The following NDC1 variants were observed in gnomAD, a reference collection of about 807,000 sequenced individuals.
The protein encoded by NDC1 is nucleoporin NDC1.
NDC1 carries 24 observed loss-of-function variants against 89.8 expected under a neutral mutation model. The observed-to-expected ratio is 0.27, with a 90% confidence interval of 0.19 to 0.38. The LOEUF (loss-of-function observed/expected upper bound fraction) is 0.38, where lower values mean the gene tolerates loss of function less well. NDC1 is among the 10% of genes least tolerant of loss of function. The probability of loss-of-function intolerance (pLI) is 1.00; values close to 1 mark genes in which losing one functional copy is unlikely to be tolerated. For synonymous variants in NDC1, 296 were observed against 284.8 expected, an observed-to-expected ratio of 1.04 and a Z score of -0.39; for missense variants, 728 against 797.6, an observed-to-expected ratio of 0.91 and a Z score of 1.05.
At chr1:53,807,032 G>A (rs1648131056) in intron 8 of NDC1, among the ~76,000 whole-genome samples, 1 of 151,922 alleles carries the variant, frequency 6.6e-6, no homozygotes, top group African/African-American at 2.4e-5. Flanking sequence ...TCATTTTGAG[G>A]TCAGGAGTTC....
At chr1:53,776,656 T>C (rs1647166159) in intron 16 of NDC1, among the ~76,000 whole-genome samples, 2 of 152,224 alleles carry the variant, frequency 1.3e-5, no homozygotes, top group African/African-American at 2.4e-5. Flanking sequence ...TGTCTTCCAA[T>C]GTGTCTCAGT....
intron 16 of NDC1, among the ~76,000 whole-genome samples, chr1:53,774,471 C>A (rs1458333894): frequency 6.6e-6 from 1 of 152,072 alleles, no homozygotes; most frequent in Non-Finnish European, 1.5e-5. Flanking sequence ...CCTCAGTATA[C>A]CAGGAAAAAT....
Position 53,798,049 on chromosome 1 carries a change from G to C in NDC1, c.1223-905C>G, listed in dbSNP as rs530287166. Among the ~76,000 whole-genome samples, 6 of 151,594 alleles carry C rather than the reference G, an allele frequency of 4.0e-5. No individual in the cohort carries two copies. In the South Asian group the frequency reaches 1.2e-3, roughly 32 times the overall value. On this transcript the variant is annotated intron_variant, in intron 11 of 17. Coordinates refer to ENST00000371429, the MANE Select transcript of NDC1 (RefSeq NM_018087.5). The stretch of plus-strand genomic sequence containing the variant: ...TATGACTCTCCAATTTAGTAATAGA[G>C]TCTGTTATACAAAAACAAAAGGAAC...
rs537296033 is a variant in NDC1 at position 53,767,210 on chromosome 1, A to T, written c.*760T>A. ...TTTTGCTCCAGAAAAAGAAAGCAAAACTAGCTGGGAAAATACCCATACATT... is the reference window on the plus strand; with the variant it reads ...TTTTGCTCCAGAAAAAGAAAGCAAATCTAGCTGGGAAAATACCCATACATT... On this transcript the variant is annotated 3_prime_UTR_variant, in exon 18 of 18. Transcript: ENST00000371429. 3.5e-4 allele frequency: 53 copies of T among 152,194 alleles called. No homozygotes were observed. The highest frequency in any genetic ancestry group is 4.6e-4 in the Non-Finnish European group (31 of 68,028). 9.4% of individuals were successfully genotyped at this position (152,194 alleles called of 1,614,324 possible). A position where few individuals can be genotyped will look rare whatever the true frequency, so the allele number is the denominator to read the frequency against.
chr1:53,834,936 C>T (rs1004901721), intron 2 of NDC1, among the ~76,000 whole-genome samples: 5 of 146,604 alleles, frequency 3.4e-5, no homozygotes, highest in Non-Finnish European at 5.9e-5. Flanking sequence ...GGCAAAACCC[C>T]GTATCTACTA....
intron 11 of NDC1, among the ~76,000 whole-genome samples, chr1:53,800,188 A>G (rs1647856275): frequency 6.6e-6 from 1 of 151,992 alleles, no homozygotes; most frequent in African/African-American, 2.4e-5. Flanking sequence ...GTACAACGTG[A>G]TGTTTTGGGC....
chr1:53,831,209 A>G (rs1649056346), intron 3 of NDC1, among the ~76,000 whole-genome samples: 2 of 152,090 alleles, frequency 1.3e-5, no homozygotes, highest in African/African-American at 4.8e-5. Context: ...TGGGCGACAG[A>G]GCAAGACTCC....
intron 11 of NDC1, among the ~76,000 whole-genome samples, chr1:53,798,243 A>G (rs1454895330): frequency 6.7e-6 from 1 of 149,254 alleles, no homozygotes; most frequent in African/African-American, 2.4e-5. Flanking sequence ...ATCTTGGCTC[A>G]CTGCAACCTC....
intron 2 of NDC1, among the ~76,000 whole-genome samples, chr1:53,833,925 C>G (rs12095561): frequency 0.018 from 2,798 of 151,790 alleles, 97 homozygotes; most frequent in African/African-American, 0.064. Context: ...CCCCACTCCC[C>G]CTTTAAGCAA....
At chr1:53,796,580 TA>T (rs57490546) in intron 13 of NDC1, 108 bp downstream of exon 13, 124,085 of 425,414 alleles carry the variant, frequency 0.29, 2,498 homozygotes, top group African/African-American at 0.36. Context: ...ACACGAAGCA[TA>T]AAAAAAAAAA....
At position 53,772,676 on chromosome 1, in the gene NDC1, CATAACAT is replaced by C. The variant is rs1647126046; in HGVS notation, c.1801-194_1801-188del. On this transcript the variant is annotated intron_variant, in intron 16 of 17. Transcript: ENST00000371429. ...CCTGTCTCAAAATAACATAACATAA[CATAACAT>C]AACATAACATAACATAACATAACAT... is the stretch of plus-strand genomic sequence containing the variant. Among the ~76,000 whole-genome samples the C allele has an allele frequency of 2.7e-5, 4 of 148,604 alleles. No homozygotes were observed. The South Asian group carries it at 8.5e-4, about 32-fold the overall frequency.
Position 53,787,200 on chromosome 1 carries a change from C to T in NDC1, c.1758G>A (p.Thr586=), listed in dbSNP as rs558566839. Residue 586 remains threonine (T), a synonymous_variant, in exon 16 of 18, where the codon ACG becomes ACA. Transcript: ENST00000371429. Reference sequence around the variant, plus strand: ...AAGTATTAAGGATAGCTGGTAGTGTCGTCTGGACAACTCCAAATCTATCCT... The same window carrying T: ...AAGTATTAAGGATAGCTGGTAGTGTTGTCTGGACAACTCCAAATCTATCCT... ...FTEDRFGVVQ[T]TLPAILNTLL... is the part of the protein sequence containing the mutation. 10 of 1,610,552 alleles carry T rather than the reference C, an allele frequency of 6.2e-6. No homozygotes were observed. The highest frequency in any genetic ancestry group is 5.0e-5 in the Admixed American group (3 of 59,758).
In NDC1 at chr1:53,803,929, TG is replaced by T; in HGVS notation, c.1064del (p.Pro355GlnfsTer16). 1 of 1,610,324 alleles carries T rather than the reference TG, an allele frequency of 6.2e-7. No homozygotes were observed. Among genetic ancestry groups the T allele is most frequent in the Non-Finnish European group, 8.5e-7 (1 of 1,176,556 alleles). The part of the protein sequence containing the change: ...RRQEVFSLSQ[P>X]GGHPHNWTAI... The stretch of plus-strand genomic sequence containing the variant: ...CAAGTCTATTACTTTTAGCAATACC[TG>T]GTTGGCTGAGGCTGAAAACTTCTTG... On this transcript the variant is annotated frameshift_variant and splice_region_variant, in exon 10 of 18. Transcript: ENST00000371429. LOFTEE classifies it high-confidence loss of function.
intron 9 of NDC1, among the ~76,000 whole-genome samples, chr1:53,805,740 A>C (rs1023236765): frequency 1.3e-5 from 2 of 152,182 alleles, no homozygotes; most frequent in Non-Finnish European, 2.9e-5. Flanking sequence ...AAGCCAACTA[A>C]TACTACAAGA....
In NDC1 at chr1:53,787,278, AGGTT is replaced by A; in HGVS notation, c.1700-24_1700-21del. On this transcript the variant is annotated intron_variant, in intron 15 of 17. Transcript: ENST00000371429. ...ACAGACCTCAAGGGAAAAAAAAAAA[AGGTT>A]AAAAGTCAATCAAAATTAGGCAAAA... 7.3e-7 allele frequency: 1 copy of A among 1,360,786 alleles called. No homozygotes were observed. Among genetic ancestry groups the A allele is most frequent in the Non-Finnish European group, 1.0e-6 (1 of 970,438 alleles). 84.3% of individuals were successfully genotyped at this position (1,360,786 alleles called of 1,614,324 possible). A position where few individuals can be genotyped will look rare whatever the true frequency, so the allele number is the denominator to read the frequency against.
At chr1:53,787,059 GTT>G (rs771275792) in intron 16 of NDC1, 97 bp downstream of exon 16, 5 of 597,528 alleles carry the variant, frequency 8.4e-6, no homozygotes, top group Middle Eastern at 2.8e-4. Context: ...CTTCCAACAT[GTT>G]TTGTCACTCG....
intron 8 of NDC1, 69 bp from the exon 9 acceptor site, chr1:53,806,586 T>TA: frequency 1.0e-6 from 1 of 971,990 alleles, no homozygotes; most frequent in Non-Finnish European, 1.4e-6. Context: ...ATGCACAAAT[T>TA]AAAACATAAA....
chr1:53,809,607 G>T, intron 7 of NDC1, 88 bp downstream of exon 7: 1 of 1,010,524 alleles, frequency 9.9e-7, no homozygotes, highest in Non-Finnish European at 1.5e-6. Flanking sequence ...AATGTTAAAG[G>T]CAAAATCTAA....
intron 16 of NDC1, among the ~76,000 whole-genome samples, chr1:53,781,364 CT>C (rs1162702231): frequency 1.3e-5 from 2 of 152,200 alleles, no homozygotes; most frequent in Non-Finnish European, 2.9e-5. Context: ...GTAAAAACCT[CT>C]GAGAAAACAG....
Sources: allele counts gnomAD v4.1 joint callset (sites outside exome capture counted in the v4.1 genomes callset), GRCh38; gene constraint gnomAD v4.1.1; transcripts MANE v1.5; gene names NCBI Gene and HGNC (gene_info 2026-07-23, HGNC 2026-07-21).